The following RXFP2 variants were observed in gnomAD, a reference collection of about 807,000 sequenced individuals.
The protein encoded by RXFP2 is relaxin family peptide receptor 2.
Under a neutral mutation model 88.6 loss-of-function variants are expected in RXFP2, and 68 were observed. That is an observed-to-expected ratio of 0.77 (90% CI 0.63 to 0.94). The LOEUF (loss-of-function observed/expected upper bound fraction) is 0.94. Ranked by LOEUF, RXFP2 falls within the 40% of genes least tolerant of loss-of-function variation. The probability of loss-of-function intolerance (pLI) is 0.00; values close to 1 mark genes in which losing one functional copy is unlikely to be tolerated. For synonymous variants in RXFP2, 329 were observed against 306.8 expected (o/e 1.07, Z -0.76); for missense variants, 791 against 893.9 (o/e 0.88, Z 1.47).
chr13:31,770,700 T>C (rs1479916477), intron 5 of RXFP2, among the ~76,000 whole-genome samples: 3 of 152,168 alleles, frequency 2.0e-5, no homozygotes, highest in Admixed American at 2.0e-4. Context: ...TTCTCTACTG[T>C]TTGAGTTTTA....
intron 3 of RXFP2, among the ~76,000 whole-genome samples, chr13:31,762,172 G>C (rs949995953): frequency 6.6e-6 from 1 of 152,226 alleles, no homozygotes; most frequent in African/African-American, 2.4e-5. Context: ...TAGCAGGAAA[G>C]ACAGCTCCTT....
At chr13:31,773,900 C>T (rs1020666129) in intron 5 of RXFP2, among the ~76,000 whole-genome samples, 5 of 152,198 alleles carry the variant, frequency 3.3e-5, no homozygotes, top group African/African-American at 9.7e-5. Context: ...ATAGTTATTT[C>T]CTGCCCCTGA....
intron 1 of RXFP2, among the ~76,000 whole-genome samples, chr13:31,747,187 A>G (rs1409188702): frequency 6.6e-6 from 1 of 152,210 alleles, no homozygotes; most frequent in African/African-American, 2.4e-5. Context: ...AGTTTTGAAA[A>G]GAATAAAGCA....
chr13:31,802,379 G>T lies in RXFP2; in HGVS notation c.2239G>T (p.Asp747Tyr). The T allele has an allele frequency of 2.5e-6, 4 of 1,614,062 alleles. No individual in the cohort carries two copies. The highest frequency in any genetic ancestry group is 3.4e-6 in the Non-Finnish European group (4 of 1,180,010). The change falls in exon 18 of 18, where the codon GAC (aspartate) becomes TAC (tyrosine). Residue 747 changes from aspartate (D) to tyrosine (Y), a missense_variant. Transcript: ENST00000298386. ...LGVLNKITLG[D>Y]SIMKPVS is the part of the protein sequence containing the mutation. The stretch of plus-strand genomic sequence containing the variant: ...GGTTTTGAACAAAATAACACTTGGA[G>T]ACAGTATAATGAAACCAGTTTCCTA...
chr13:31,801,138 TA>T (rs1874318998), intron 17 of RXFP2, among the ~76,000 whole-genome samples: 1 of 151,682 alleles, frequency 6.6e-6, no homozygotes, highest in South Asian at 2.1e-4. Flanking sequence ...GGCTGAAGGA[TA>T]AAAAAAATTA....
chr13:31,785,386 G>C (rs996348910), intron 11 of RXFP2, among the ~76,000 whole-genome samples: 1 of 152,014 alleles, frequency 6.6e-6, no homozygotes, highest in Non-Finnish European at 1.5e-5. Context: ...AGCATCTGTG[G>C]TTCAGATCAT....
rs71099993 is a variant in RXFP2, at chr13:31,776,102, T to TTTTCTTTCTTTCTTTCTTTCTTTC, written c.641+731_641+754dup. 6.5e-4 allele frequency among the ~76,000 whole-genome samples: 71 copies of TTTTCTTTCTTTCTTTCTTTCTTTC among 109,898 alleles called. 2 individuals are homozygous for TTTTCTTTCTTTCTTTCTTTCTTTC. The highest frequency in any genetic ancestry group is 4.6e-3 in the East Asian group (17 of 3,732). 72.1% of individuals were successfully genotyped at this position (109,898 alleles called of 152,430 possible). On this transcript the variant is annotated intron_variant, in intron 7 of 17. Coordinates refer to ENST00000298386, the MANE Select transcript of RXFP2 (RefSeq NM_130806.5). ...TTTCCTTCCTTCTTTCTTTCTTTTC[T>TTTTCTTTCTTTCTTTCTTTCTTTC]TTTCTTTCTTTCTTTCTTTCTTTCT...
chr13:31,768,249 A>AT (rs1872621811), intron 5 of RXFP2, among the ~76,000 whole-genome samples: 2 of 152,172 alleles, frequency 1.3e-5, no homozygotes, highest in Admixed American at 6.5e-5. Context: ...CTATTTGATG[A>AT]TTTGCAGGCA....
intron 3 of RXFP2, among the ~76,000 whole-genome samples, 193 bp from the exon 4 acceptor site, chr13:31,764,844 T>C (rs936152958): frequency 2.0e-5 from 3 of 152,256 alleles, no homozygotes; most frequent in Admixed American, 6.5e-5. Flanking sequence ...AAGCTAGAAC[T>C]GAGATTAACA....
At chr13:31,744,734 A>AC (rs1871343659) in intron 1 of RXFP2, among the ~76,000 whole-genome samples, 1 of 149,580 alleles carries the variant, frequency 6.7e-6, no homozygotes. Flanking sequence ...TTTTTCAGTG[A>AC]CTATATTTTT....
intron 15 of RXFP2, 23 bp from the exon 16 acceptor site, chr13:31,792,655 A>G (rs756486743): frequency 1.2e-6 from 2 of 1,610,374 alleles, no homozygotes; most frequent in Admixed American, 3.3e-5. Flanking sequence ...CTGATGACAT[A>G]CACTGTTTCA....
At chr13:31,778,191 G>A (rs143775372) in intron 8 of RXFP2, among the ~76,000 whole-genome samples, 14 of 152,078 alleles carry the variant, frequency 9.2e-5, no homozygotes, top group Admixed American at 1.3e-4. Flanking sequence ...TGATTACAAC[G>A]TGAAGTTTAC....
intron 11 of RXFP2, 79 bp downstream of exon 11, chr13:31,782,826 G>T: frequency 1.1e-6 from 1 of 869,786 alleles, no homozygotes; most frequent in Admixed American, 1.9e-5. Flanking sequence ...AGACTGCTTT[G>T]CCACTAGTAG....
At chr13:31,775,041 C>CTTAG (rs1566227191) in intron 6 of RXFP2, among the ~76,000 whole-genome samples, 1 of 152,190 alleles carries the variant, frequency 6.6e-6, no homozygotes, top group African/African-American at 2.4e-5. Flanking sequence ...GCCCCACATA[C>CTTAG]TTAGTTATTA....
chr13:31,787,460 A>G (rs2138449715), intron 13 of RXFP2, among the ~76,000 whole-genome samples: 1 of 152,362 alleles, frequency 6.6e-6, no homozygotes, highest in East Asian at 1.9e-4. Context: ...TTAAAATATA[A>G]GGACAGACCT....
intron 1 of RXFP2, among the ~76,000 whole-genome samples, chr13:31,753,654 A>G (rs775468889): frequency 1.3e-5 from 2 of 152,218 alleles, no homozygotes; most frequent in Non-Finnish European, 2.9e-5. Flanking sequence ...CAAGTACAGC[A>G]GGGGTTCTTA....
rs1536635 is a variant in RXFP2 at position 31,761,903 on chromosome 13, C to T, written c.319+102C>T. The T allele has an allele frequency of 0.37, 287,445 of 778,984 alleles. 55,995 individuals are homozygous for T. Among genetic ancestry groups the T allele is most frequent in the Admixed American group, 0.48 (23,524 of 49,522 alleles). 48.3% of individuals were successfully genotyped at this position (778,984 alleles called of 1,614,324 possible). A position where few individuals can be genotyped will look rare whatever the true frequency, so the allele number is the denominator to read the frequency against. ...TGTGACAAATTCCCTTCAGAATTTCCGTTTTAGTTCAATGTATTTCACTGG... is the reference window on the plus strand; with the variant it reads ...TGTGACAAATTCCCTTCAGAATTTCTGTTTTAGTTCAATGTATTTCACTGG... On this transcript the variant is annotated intron_variant, in intron 3 of 17. Coordinates refer to ENST00000298386, the MANE Select transcript of RXFP2 (RefSeq NM_130806.5).
chr13:31,784,528 A>T (rs1300533576), intron 11 of RXFP2, among the ~76,000 whole-genome samples: 2 of 152,162 alleles, frequency 1.3e-5, no homozygotes, highest in Non-Finnish European at 2.9e-5. Context: ...TTCTAGGTGT[A>T]TGAAATCATC....
At chr13:31,750,187 C>T (rs1014416929) in intron 1 of RXFP2, among the ~76,000 whole-genome samples, 12 of 152,246 alleles carry the variant, frequency 7.9e-5, no homozygotes, top group African/African-American at 2.9e-4. Flanking sequence ...TGCCCATTTC[C>T]GTTTTCTCAC....
Sources: gnomAD v4.1 joint callset for allele counts (sites outside exome capture counted in the v4.1 genomes callset) on GRCh38, gnomAD v4.1.1 for gene constraint, MANE v1.5 for transcripts, NCBI Gene and HGNC (gene_info 2026-07-23, HGNC 2026-07-21) for gene names.